The following CCDC92 variants were observed in gnomAD, a reference collection of about 807,000 sequenced individuals.
CCDC92 encodes the protein coiled-coil domain-containing protein 92.
Under a neutral mutation model 24.9 loss-of-function variants are expected in CCDC92, and 12 were observed. The ratio of observed to expected loss-of-function variants is 0.48; its 90% confidence interval spans 0.31 to 0.78. The LOEUF (loss-of-function observed/expected upper bound fraction) is 0.78, where lower values mean the gene tolerates loss of function less well. Ranked by LOEUF, CCDC92 falls within the 30% of genes least tolerant of loss-of-function variation. The probability of loss-of-function intolerance (pLI) is 0.05; values close to 1 mark genes in which losing one functional copy is unlikely to be tolerated. For missense variants in CCDC92, 399 were observed against 439.4 expected (o/e 0.91, Z 0.82); for synonymous variants, 193 against 196.3 (o/e 0.98, Z 0.14).
At chr12:123,956,403 T>C (rs1187045797) in intron 1 of CCDC92, 5 of 152,188 alleles carry the variant, frequency 3.3e-5, no homozygotes, top group African/African-American at 1.2e-4. Context: ...AGCTCCAGCG[T>C]GGATTATTCA....
chr12:123,950,285 C>T (rs1443579815), intron 1 of CCDC92, among the ~76,000 whole-genome samples: 1 of 152,102 alleles, frequency 6.6e-6, no homozygotes, highest in Non-Finnish European at 1.5e-5. Context: ...GCCTTTTGGC[C>T]CGGAAGGGAA....
At chr12:123,940,362 C>T (rs1039601694) in intron 4 of CCDC92, among the ~76,000 whole-genome samples, 15 of 152,218 alleles carry the variant, frequency 9.9e-5, no homozygotes, top group African/African-American at 3.6e-4. Context: ...CCTGGATAGA[C>T]ATCCTCCTCA....
chr12:123,947,914 G>A (rs925031835), intron 1 of CCDC92, among the ~76,000 whole-genome samples: 7 of 152,124 alleles, frequency 4.6e-5, no homozygotes, highest in Non-Finnish European at 7.3e-5. Flanking sequence ...CACTCACTGC[G>A]AAGGTCTGCA....
At chr12:123,964,583 T>C (rs1956347856) in intron 1 of CCDC92, among the ~76,000 whole-genome samples, 1 of 152,176 alleles carries the variant, frequency 6.6e-6, no homozygotes, top group Admixed American at 6.5e-5. Context: ...ACACAATTCA[T>C]ACAAAAAGTA....
intron 1 of CCDC92, chr12:123,945,386 C>A (rs1199890878): frequency 6.6e-6 from 1 of 152,040 alleles, no homozygotes; most frequent in Non-Finnish European, 1.5e-5. Context: ...TAAGTGGAAC[C>A]CCACAGTTCC....
At chr12:123,962,405 T>G (rs993140608) in intron 1 of CCDC92, 1 of 152,246 alleles carries the variant, frequency 6.6e-6, no homozygotes, top group African/African-American at 2.4e-5. Flanking sequence ...ATGTTTGCTT[T>G]TTAAATTGGT....
chr12:123,946,354 C>T (rs1242430122), intron 1 of CCDC92: 1 of 152,566 alleles, frequency 6.6e-6, no homozygotes, highest in East Asian at 1.9e-4. Flanking sequence ...CTTCTCCCAC[C>T]CTGGTGCCCT....
At chr12:123,957,735 G>T (rs1203540269) in intron 1 of CCDC92, among the ~76,000 whole-genome samples, 3 of 114,594 alleles carry the variant, frequency 2.6e-5, no homozygotes, top group East Asian at 2.4e-4. Flanking sequence ...AGATGGGGGG[G>T]TCTCGCTTTG....
At chr12:123,943,664 A>C (rs1019370743) in intron 2 of CCDC92, 171 bp from the exon 3 acceptor site, 17 of 710,864 alleles carry the variant, frequency 2.4e-5, no homozygotes, top group Non-Finnish European at 4.0e-5. Context: ...CCATCACTGC[A>C]GGGAGGCCCC....
At chr12:123,949,846 C>A (rs1243689504) in intron 1 of CCDC92, among the ~76,000 whole-genome samples, 1 of 152,268 alleles carries the variant, frequency 6.6e-6, no homozygotes, top group Non-Finnish European at 1.5e-5. Flanking sequence ...GAAGGCCCGG[C>A]CTCGCCGAGT....
chr12:123,950,382 G>A (rs1431964039), intron 1 of CCDC92, among the ~76,000 whole-genome samples: 1 of 152,114 alleles, frequency 6.6e-6, no homozygotes, highest in African/African-American at 2.4e-5. Context: ...TGGCTCTCGA[G>A]GGTCCACGTT....
chr12:123,960,124 C>T (rs907736567), intron 1 of CCDC92, among the ~76,000 whole-genome samples: 1 of 152,204 alleles, frequency 6.6e-6, no homozygotes, highest in Non-Finnish European at 1.5e-5. Context: ...TCCAGGAGAA[C>T]AAGGACTTTT....
At chr12:123,950,555 C>T (rs1425381729) in intron 1 of CCDC92, among the ~76,000 whole-genome samples, 1 of 152,182 alleles carries the variant, frequency 6.6e-6, no homozygotes, top group Non-Finnish European at 1.5e-5. Context: ...AGGAAGAAAG[C>T]ACAAGGTATT....
At chr12:123,965,552 G>C (rs570011428) in intron 1 of CCDC92, among the ~76,000 whole-genome samples, 1 of 152,158 alleles carries the variant, frequency 6.6e-6, no homozygotes, top group East Asian at 2.0e-4. Context: ...GGCTGTTTTG[G>C]AAATATACTT....
intron 1 of CCDC92, among the ~76,000 whole-genome samples, chr12:123,958,304 C>T (rs1363425979): frequency 2.0e-5 from 3 of 152,166 alleles, no homozygotes; most frequent in Non-Finnish European, 2.9e-5. Flanking sequence ...CCTCCTGCCT[C>T]GGCCTCCCAA....
chr12:123,962,008 T>C (rs1956282643), intron 1 of CCDC92, among the ~76,000 whole-genome samples: 2 of 152,360 alleles, frequency 1.3e-5, no homozygotes, highest in Middle Eastern at 3.4e-3. Context: ...CCGCACAGCC[T>C]GAACACCGTT....
chr12:123,947,987 G>A (rs950413513), intron 1 of CCDC92, among the ~76,000 whole-genome samples: 6 of 152,110 alleles, frequency 3.9e-5, no homozygotes, highest in African/African-American at 1.2e-4. Context: ...GAACACATCC[G>A]AACATCAGAA....
rs372584509 is a variant in CCDC92, at chr12:123,937,078, C to T, written c.976G>A (p.Gly326Arg). The T allele has an allele frequency of 1.4e-5, 23 of 1,613,990 alleles. No homozygotes were observed. The Admixed American group carries it at 3.8e-4, about 27-fold the overall frequency. ...NGGKVVRKHS[G>R]TDRTV The stretch of plus-strand genomic sequence containing the variant: ...GGGCTTCACACAGTTCTGTCCGTCC[C>T]TGAGTGCTTCCTCACCACCTTGCCT... The change falls in exon 5 of 5, where the codon GGG (glycine) becomes AGG (arginine). Residue 326 changes from glycine to arginine, a missense_variant. By Grantham distance (125) the Gly-to-Arg change is moderately radical. Coordinates refer to ENST00000238156, the MANE Select transcript of CCDC92 (RefSeq NM_025140.3). The surrounding 1 kb of genome is among the most constrained non-coding windows in gnomAD (Gnocchi z 8.4).
chr12:123,950,019 C>A (rs976221384), intron 1 of CCDC92, among the ~76,000 whole-genome samples: 1 of 152,336 alleles, frequency 6.6e-6, no homozygotes, highest in South Asian at 2.1e-4. Flanking sequence ...TGTTCTTTCA[C>A]GTTACTTACA....
Sources: gnomAD v4.1 joint callset for allele counts (sites outside exome capture counted in the v4.1 genomes callset) on GRCh38, gnomAD v4.1.1 for gene constraint, Gnocchi (gnomAD v3.1) non-coding constraint, MANE v1.5 for transcripts, NCBI Gene and HGNC (gene_info 2026-07-23, HGNC 2026-07-21) for gene names.